Variants in GPC5 observed in about 807,000 individuals in gnomAD.
GPC5 encodes the protein glypican-5.
In GPC5, 47 loss-of-function variants were observed where a neutral mutation model predicts 53.9. The ratio of observed to expected loss-of-function variants is 0.87; its 90% CI spans 0.69 to 1.11. GPC5 has a LOEUF of 1.11. Ranked by LOEUF, GPC5 falls within the 50% of genes most tolerant of loss-of-function variation. The pLI, the probability that GPC5 is intolerant of heterozygous loss-of-function variation, is 0.00. For synonymous variants in GPC5, 286 were observed against 263.3 expected, an observed-to-expected ratio of 1.09 and a Z score of -0.84; for missense variants, 748 against 713.1, an observed-to-expected ratio of 1.05 and a Z score of -0.56.
intron 7 of GPC5, among the ~76,000 whole-genome samples, chr13:92,790,046 C>A (rs1285838670): frequency 6.6e-6 from 1 of 152,094 alleles, no homozygotes; most frequent in South Asian, 2.1e-4. Flanking sequence ...AAAGATGAAG[C>A]CTAGAAGATT....
intron 1 of GPC5, among the ~76,000 whole-genome samples, chr13:91,425,516 C>T (rs918453774): frequency 5.3e-5 from 8 of 152,100 alleles, no homozygotes; most frequent in African/African-American, 1.9e-4. Context: ...GGGCTTTTCC[C>T]CCTTCACTGT....
intron 2 of GPC5, among the ~76,000 whole-genome samples, chr13:91,585,827 T>G (rs2032543784): frequency 6.6e-6 from 1 of 152,166 alleles, no homozygotes; most frequent in Non-Finnish European, 1.5e-5. Context: ...TCTCTTTTCA[T>G]TTTACTGTTT....
rs1311258193 is a variant in GPC5, at chr13:91,659,768, GC to G, written c.326-33417del. 3.9e-5 allele frequency among the ~76,000 whole-genome samples: 6 copies of G among 152,122 alleles called. No homozygotes were observed. The East Asian group carries it at 1.2e-3, about 29-fold the overall frequency. On this transcript the variant is annotated intron_variant, in intron 2 of 7. Transcript: ENST00000377067. The stretch of plus-strand genomic sequence containing the variant: ...GTCCCCCACCGCCTCCACCATGATC[GC>G]CACCTCCTGGTATTCACACCTCTGT...
chr13:92,129,419 A>G (rs1214865992), intron 6 of GPC5, among the ~76,000 whole-genome samples: 1 of 152,248 alleles, frequency 6.6e-6, no homozygotes. Context: ...CATTATCAGA[A>G]TACTTCATTA....
intron 2 of GPC5, among the ~76,000 whole-genome samples, chr13:91,453,585 G>A (rs1881335800): frequency 6.6e-6 from 1 of 151,880 alleles, no homozygotes; most frequent in Non-Finnish European, 1.5e-5. Flanking sequence ...TTAACATTAA[G>A]AATTACTTGA....
intron 2 of GPC5, among the ~76,000 whole-genome samples, chr13:91,586,559 T>C (rs1469991055): frequency 3.4e-5 from 1 of 29,098 alleles, no homozygotes; most frequent in Non-Finnish European, 5.5e-5. Context: ...TATATATATA[T>C]ATGTAGAGAG....
intron 7 of GPC5, among the ~76,000 whole-genome samples, chr13:92,479,425 A>G (rs1328232488): frequency 6.6e-6 from 1 of 152,212 alleles, no homozygotes; most frequent in Non-Finnish European, 1.5e-5. Flanking sequence ...TTTTCACTGC[A>G]TGTAGCTTAA....
intron 7 of GPC5, among the ~76,000 whole-genome samples, chr13:92,806,043 C>A (rs1461426666): frequency 2.6e-5 from 4 of 152,032 alleles, no homozygotes; most frequent in Non-Finnish European, 5.9e-5. Flanking sequence ...TCCTAGATGG[C>A]ATCTTCTTCC....
At chr13:91,427,449 C>T (rs1174137844) in intron 1 of GPC5, among the ~76,000 whole-genome samples, 1 of 152,180 alleles carries the variant, frequency 6.6e-6, no homozygotes, top group African/African-American at 2.4e-5. Flanking sequence ...AATGCCTTCC[C>T]TGACTGGTTT....
chr13:91,715,050 G>A (rs968770705), intron 3 of GPC5, among the ~76,000 whole-genome samples: 4 of 152,194 alleles, frequency 2.6e-5, no homozygotes, highest in Admixed American at 1.3e-4. Flanking sequence ...CAGATTAAGG[G>A]GTGGTTTATG....
intron 7 of GPC5, among the ~76,000 whole-genome samples, chr13:92,341,771 G>A (rs191286157): frequency 6.6e-6 from 1 of 151,786 alleles, no homozygotes; most frequent in South Asian, 2.1e-4. Flanking sequence ...TTATTAAAAT[G>A]GTTTATTGTT....
At chr13:92,250,486 G>A (rs1474087529) in intron 7 of GPC5, among the ~76,000 whole-genome samples, 3 of 152,080 alleles carry the variant, frequency 2.0e-5, no homozygotes, top group Non-Finnish European at 2.9e-5. Flanking sequence ...CAGAGTTCAT[G>A]TACGCCTTAC....
At chr13:92,718,781 G>A (rs1888411368) in intron 7 of GPC5, among the ~76,000 whole-genome samples, 1 of 151,712 alleles carries the variant, frequency 6.6e-6, no homozygotes, top group Admixed American at 6.6e-5. Context: ...GCTGAGGTGG[G>A]AGAATTGCTT....
At chr13:92,065,630 A>G (rs1182986031) in intron 6 of GPC5, among the ~76,000 whole-genome samples, 1 of 152,140 alleles carries the variant, frequency 6.6e-6, no homozygotes, top group Non-Finnish European at 1.5e-5. Flanking sequence ...TGACTCCTAA[A>G]AGACTCAAAA....
chr13:92,313,975 C>T (rs2043162137), intron 7 of GPC5, among the ~76,000 whole-genome samples: 1 of 152,012 alleles, frequency 6.6e-6, no homozygotes, highest in African/African-American at 2.4e-5. Context: ...TGTCTTGAGG[C>T]CGGTTTCATC....
intron 5 of GPC5, among the ~76,000 whole-genome samples, chr13:91,816,284 G>A (rs959180104): frequency 1.9e-4 from 29 of 152,076 alleles, no homozygotes; most frequent in Admixed American, 1.5e-3. Context: ...TACTCAAGGT[G>A]GGCATTGGAA....
At chr13:92,104,960 C>T (rs2041497178) in intron 6 of GPC5, among the ~76,000 whole-genome samples, 1 of 152,082 alleles carries the variant, frequency 6.6e-6, no homozygotes, top group Admixed American at 6.6e-5. Context: ...TGTTTTTGTT[C>T]AGTCATTGAA....
intron 5 of GPC5, among the ~76,000 whole-genome samples, chr13:91,906,800 G>A (rs761180658): frequency 2.6e-5 from 4 of 151,792 alleles, no homozygotes; most frequent in Admixed American, 1.3e-4. Context: ...TTTCACCACC[G>A]GTGAAATGAC....
intron 7 of GPC5, among the ~76,000 whole-genome samples, chr13:92,460,279 G>A (rs1184707093): frequency 6.6e-6 from 1 of 151,974 alleles, no homozygotes; most frequent in Admixed American, 6.6e-5. Flanking sequence ...TATGTGTTTT[G>A]TTAATTTTAT....
Sources: allele counts gnomAD v4.1 joint callset (sites outside exome capture counted in the v4.1 genomes callset), GRCh38; gene constraint gnomAD v4.1.1; transcripts MANE v1.5; gene names NCBI Gene and HGNC (gene_info 2026-07-23, HGNC 2026-07-21).